EFCAB7: variants seen among roughly 807,000 people sequenced by gnomAD.
EFCAB7 encodes EF-hand calcium-binding domain-containing protein 7.
EFCAB7 carries 66 observed loss-of-function variants against 77.1 expected under a neutral mutation model. The ratio of observed to expected loss-of-function variants is 0.86; its 90% CI spans 0.70 to 1.05. The LOEUF (loss-of-function observed/expected upper bound fraction) is 1.05. Among genes scored for constraint, EFCAB7 ranks in the 50% least tolerant of loss-of-function variants. The pLI, the probability that EFCAB7 is intolerant of heterozygous loss-of-function variation, is 0.00. For synonymous variants in EFCAB7, 225 were observed against 243.3 expected (o/e 0.92, Z 0.70); for missense variants, 638 against 730.5 (o/e 0.87, Z 1.46).
intron 6 of EFCAB7, among the ~76,000 whole-genome samples, chr1:63,534,859 T>C (rs74078253): frequency 0.013 from 1,934 of 152,230 alleles, 45 homozygotes; most frequent in African/African-American, 0.044. Flanking sequence ...ACTCTGTATT[T>C]GTTATTGAAC....
chr1:63,571,647 G>A (rs1354907196), intron 13 of EFCAB7, among the ~76,000 whole-genome samples: 2 of 130,162 alleles, frequency 1.5e-5, no homozygotes, highest in African/African-American at 6.0e-5. Context: ...TCCAGCCTGA[G>A]CGACAAGAGT....
At chr1:63,540,422 A>AACC (rs1403060692) in intron 6 of EFCAB7, among the ~76,000 whole-genome samples, 1 of 151,812 alleles carries the variant, frequency 6.6e-6, no homozygotes, top group African/African-American at 2.4e-5. Flanking sequence ...CCCAACTTTG[A>AACC]ACCTCATTGT....
intron 6 of EFCAB7, among the ~76,000 whole-genome samples, chr1:63,542,668 A>G (rs1304587071): frequency 6.6e-6 from 1 of 152,264 alleles, no homozygotes; most frequent in African/African-American, 2.4e-5. Flanking sequence ...GTAAGGTGGT[A>G]TCTCATTGAG....
chr1:63,561,757 A>T lies in EFCAB7; in HGVS notation c.1397A>T (p.Asp466Val). The change falls in exon 11 of 14, where the codon GAT becomes GTT. Residue 466 changes from aspartate (D) to valine (V), a missense_variant. By Grantham distance (152) the Asp-to-Val change is radical. Coordinates refer to ENST00000371088, the MANE Select transcript of EFCAB7 (RefSeq NM_032437.4). ...RNELTRQGFM[D>V]LNLMEANDRE... is the part of the protein sequence containing the mutation. Reference sequence around the variant, plus strand: ...GAACTAACAAGACAAGGATTTATGGATTTGAATCTAATGGAAGCTAATGAT... The same window carrying T: ...GAACTAACAAGACAAGGATTTATGGTTTTGAATCTAATGGAAGCTAATGAT... The T allele has an allele frequency of 6.2e-7, 1 of 1,610,970 alleles. No homozygotes were observed. Among genetic ancestry groups the T allele is most frequent in the Non-Finnish European group, 8.5e-7 (1 of 1,177,974 alleles).
the EFCAB7 span, among the ~76,000 whole-genome samples, chr1:63,578,654 G>C: frequency 1.3e-5 from 2 of 152,086 alleles, no homozygotes; most frequent in Admixed American, 1.3e-4. Context: ...TGTTAGCCAG[G>C]ACGGTCTCGA....
intron 2 of EFCAB7, among the ~76,000 whole-genome samples, chr1:63,526,634 T>C (rs181687664): frequency 3.9e-5 from 6 of 152,338 alleles, no homozygotes; most frequent in Admixed American, 2.0e-4. Flanking sequence ...TAAATGCAAA[T>C]GCACATGACT....
the EFCAB7 span, among the ~76,000 whole-genome samples, chr1:63,584,152 G>A: frequency 2.0e-5 from 3 of 152,162 alleles, no homozygotes; most frequent in African/African-American, 7.2e-5. Flanking sequence ...GATTATTCAA[G>A]ATCACTTTTG....
At chr1:63,585,009 G>C in the EFCAB7 span, among the ~76,000 whole-genome samples, 1 of 152,198 alleles carries the variant, frequency 6.6e-6, no homozygotes, top group Non-Finnish European at 1.5e-5. Context: ...TTGGGTATCA[G>C]AGTAATTCTG....
intron 10 of EFCAB7, among the ~76,000 whole-genome samples, chr1:63,560,319 T>C (rs905558022): frequency 3.5e-4 from 53 of 152,222 alleles, no homozygotes; most frequent in African/African-American, 1.3e-3. Context: ...GATTCGTTTT[T>C]GATAGTCTCT....
the EFCAB7 span, among the ~76,000 whole-genome samples, chr1:63,582,620 T>A: frequency 6.6e-6 from 1 of 152,190 alleles, no homozygotes; most frequent in Non-Finnish European, 1.5e-5. Context: ...TTTTTTGGGT[T>A]TTTTTGAGAT....
At chr1:63,567,580 A>C (rs1199629069) in intron 11 of EFCAB7, among the ~76,000 whole-genome samples, 4 of 152,202 alleles carry the variant, frequency 2.6e-5, no homozygotes, top group African/African-American at 9.6e-5. Flanking sequence ...GGTGGCACTT[A>C]AGCTTTAACC....
At chr1:63,584,689 G>A in the EFCAB7 span, among the ~76,000 whole-genome samples, 1 of 152,210 alleles carries the variant, frequency 6.6e-6, no homozygotes, top group Non-Finnish European at 1.5e-5. Flanking sequence ...TGAGGATGAA[G>A]ACTTATGATG....
At chr1:63,585,127 C>T in the EFCAB7 span, among the ~76,000 whole-genome samples, 1 of 150,276 alleles carries the variant, frequency 6.7e-6, no homozygotes, top group Non-Finnish European at 1.5e-5. Context: ...AACATCTAGG[C>T]ATGAAGATTT....
intron 12 of EFCAB7, chr1:63,569,773 A>G (rs1647214016): frequency 6.6e-6 from 1 of 152,224 alleles, no homozygotes; most frequent in Non-Finnish European, 1.5e-5. Flanking sequence ...TTGATTAACT[A>G]AGCTTGGGTC....
At chr1:63,545,812 T>C in intron 6 of EFCAB7, 104 bp from the exon 7 acceptor site, 3 of 930,714 alleles carry the variant, frequency 3.2e-6, no homozygotes, top group Non-Finnish European at 3.3e-6. Context: ...GCAATGATTA[T>C]ATTTGACATT....
intron 6 of EFCAB7, among the ~76,000 whole-genome samples, chr1:63,539,583 A>G (rs1165604942): frequency 2.0e-5 from 3 of 152,206 alleles, no homozygotes; most frequent in Non-Finnish European, 4.4e-5. Context: ...TTTTGGTTCT[A>G]GTTCTGCAGT....
At chr1:63,557,533 C>T (rs1235017973) in intron 10 of EFCAB7, among the ~76,000 whole-genome samples, 3 of 152,128 alleles carry the variant, frequency 2.0e-5, no homozygotes, top group African/African-American at 7.2e-5. Flanking sequence ...TGTCCTTGCG[C>T]TTGATACCAC....
At chr1:63,538,249 T>A (rs887065482) in intron 6 of EFCAB7, among the ~76,000 whole-genome samples, 1 of 152,160 alleles carries the variant, frequency 6.6e-6, no homozygotes. Context: ...ATTCTAAAAT[T>A]ATTTTCAAAA....
chr1:63,544,921 CTTTT>C (rs34798915), intron 6 of EFCAB7, among the ~76,000 whole-genome samples: 2 of 138,260 alleles, frequency 1.4e-5, no homozygotes, highest in East Asian at 2.1e-4. Flanking sequence ...TCTTTTCTTT[CTTTT>C]TTTTTTTTTT....
Sources: gnomAD v4.1 joint callset for allele counts (sites outside exome capture counted in the v4.1 genomes callset) on GRCh38, gnomAD v4.1.1 for gene constraint, MANE v1.5 for transcripts, NCBI Gene and HGNC (gene_info 2026-07-23, HGNC 2026-07-21) for gene names.